The following OCRL variants were observed in gnomAD, a reference collection of about 807,000 sequenced individuals.
The protein encoded by OCRL is OCRL inositol polyphosphate-5-phosphatase, also known as inositol polyphosphate 5-phosphatase OCRL.
Under a neutral mutation model 78.9 loss-of-function variants are expected in OCRL, and 8 were observed. The ratio of observed to expected loss-of-function variants is 0.10; its 90% CI spans 0.06 to 0.18. OCRL has a LOEUF of 0.18. Among genes scored for constraint, OCRL ranks in the 10% least tolerant of loss-of-function variants. The pLI, the probability that OCRL is intolerant of heterozygous loss-of-function variation, is 1.00. For missense variants in OCRL, 454 were observed against 696.7 expected (o/e 0.65, Z 3.92); for synonymous variants, 240 against 235.4 (o/e 1.02, Z -0.18).
At chrX:129,570,164 G>A (rs1372765188) in intron 15 of OCRL, among the ~76,000 whole-genome samples, 1 of 111,625 alleles carries the variant, frequency 9.0e-6, no homozygotes, top group Non-Finnish European at 1.9e-5. Context: ...GATTTAATTT[G>A]TTACAGCCAG....
At chrX:129,561,562 T>C (rs1204411168) in intron 10 of OCRL, among the ~76,000 whole-genome samples, 2 of 112,254 alleles carry the variant, frequency 1.8e-5, no homozygotes, top group Non-Finnish European at 3.8e-5. Flanking sequence ...TTGAAATAAT[T>C]ACATATAAGA....
At chrX:129,580,058 A>T (rs2094657826) in intron 18 of OCRL, among the ~76,000 whole-genome samples, 1 of 112,398 alleles carries the variant, frequency 8.9e-6, no homozygotes, top group South Asian at 3.7e-4. Context: ...AAGCTTATTG[A>T]CTGACCAGCT....
intron 10 of OCRL, 59 bp from the exon 11 acceptor site, chrX:129,562,325 A>G: frequency 5.6e-6 from 5 of 885,085 alleles, no homozygotes; most frequent in Non-Finnish European, 8.4e-6. Context: ...GTGGGACATT[A>G]GAAATGTGGC....
intron 18 of OCRL, among the ~76,000 whole-genome samples, chrX:129,577,720 C>A (rs1441616493): frequency 8.9e-6 from 1 of 111,900 alleles, no homozygotes; most frequent in East Asian, 2.8e-4. Flanking sequence ...TGGAATTATA[C>A]TTATTTCCCC....
In OCRL at chrX:129,575,929, A is replaced by T. The variant is rs1250847108; in HGVS notation, c.1746A>T (p.Leu582=). 2 of 1,212,031 alleles carry T rather than the reference A, an allele frequency of 1.7e-6. No individual in the cohort carries two copies. The highest frequency in any genetic ancestry group is 2.2e-6 in the Non-Finnish European group (2 of 895,520). ...TTGAAAATGTGAAGTTTCGGCAACT[A>T]CAAAAGGAGAAGTTCCAGATCAGCA... ...FVFENVKFRQ[L]QKEKFQISNN... Residue 582 remains leucine (L), a synonymous_variant, in exon 17 of 24, where the codon CTA becomes CTT. Coordinates refer to ENST00000371113, the MANE Select transcript of OCRL (RefSeq NM_000276.4).
In OCRL at chrX:129,590,527, G is replaced by A. The variant is rs974086638; in HGVS notation, c.*257G>A. 8 of 351,842 alleles carry A rather than the reference G, an allele frequency of 2.3e-5. No homozygotes were observed. Among genetic ancestry groups the A allele is most frequent in the African/African-American group, 1.3e-4 (5 of 38,103 alleles). 29.0% of individuals were successfully genotyped at this position (351,842 alleles called of 1,213,427 possible). A position where few individuals can be genotyped will look rare whatever the true frequency, so the allele number is the denominator to read the frequency against. On this transcript the variant is annotated 3_prime_UTR_variant, in exon 24 of 24. Coordinates refer to ENST00000371113, the MANE Select transcript of OCRL (RefSeq NM_000276.4). ...TTCTCTTTATAAGGCAAAAAGATCT[G>A]TATTTACACTCCTTCACCTAGGGAT...
chrX:129,561,191 G>T lies in OCRL; in HGVS notation c.837G>T (p.Leu279=), dbSNP rs768793698. ...CTTTTTTCCTCAGATTCCAAGAACTGGACTTGAGCACAGAAGCCTTCTTCT... is the reference window on the plus strand; with the variant it reads ...CTTTTTTCCTCAGATTCCAAGAACTTGACTTGAGCACAGAAGCCTTCTTCT... ...PDIYCIGFQE[L]DLSTEAFFYF... is the part of the protein sequence containing the mutation. Residue 279 remains leucine, a synonymous_variant, in exon 10 of 24, where the codon CTG becomes CTT. Coordinates refer to ENST00000371113, the MANE Select transcript of OCRL (RefSeq NM_000276.4). The T allele has an allele frequency of 8.4e-7, 1 of 1,197,233 alleles. No homozygotes were observed. The highest frequency in any genetic ancestry group is 1.1e-6 in the Non-Finnish European group (1 of 882,374).
intron 18 of OCRL, among the ~76,000 whole-genome samples, chrX:129,580,488 A>T (rs1936425353): frequency 8.9e-6 from 1 of 112,188 alleles, no homozygotes; most frequent in Admixed American, 9.4e-5. Context: ...GGGTTTGCTG[A>T]TTAGTATGAG....
rs950080639 is a variant in OCRL, at chrX:129,545,161, A to G, written c.199+124A>G. Reference sequence around the variant, plus strand: ...AAATGAAATGTATTACTCTTTGCATAAAAAGATAACATTGAGGAGATGATA... The same window carrying G: ...AAATGAAATGTATTACTCTTTGCATGAAAAGATAACATTGAGGAGATGATA... On this transcript the variant is annotated intron_variant, in intron 3 of 23. Coordinates refer to ENST00000371113, the MANE Select transcript of OCRL (RefSeq NM_000276.4). 4 of 480,355 alleles carry G rather than the reference A, an allele frequency of 8.3e-6. No homozygotes were observed. In the African/African-American group the frequency reaches 9.6e-5, roughly 11 times the overall value. The allele number at this position is 480,355 out of a possible 1,213,427, so 39.6% of individuals were successfully genotyped here.
chrX:129,568,453 C>T lies in OCRL; in HGVS notation c.1467-811C>T, dbSNP rs769917146. 8.1e-5 allele frequency among the ~76,000 whole-genome samples: 9 copies of T among 111,749 alleles called. No homozygotes were observed. The South Asian group carries it at 3.4e-3, about 42-fold the overall frequency. ...GAGAGTACTGGCATGGGTGGGGAGT[C>T]GATATTCCTATGCTCCTAGGTAACT... On this transcript the variant is annotated intron_variant, in intron 14 of 23. Transcript: ENST00000371113.
intron 12 of OCRL, 52 bp from the exon 13 acceptor site, chrX:129,565,720 G>GT (rs902569448): frequency 8.5e-5 from 82 of 965,983 alleles, no homozygotes; most frequent in Non-Finnish European, 1.1e-4. Context: ...ATCCTTCTCT[G>GT]TTTTTTTTAT....
In OCRL at chrX:129,562,763, G is replaced by A. The variant is rs747651906; in HGVS notation, c.1221G>A (p.Pro407=). 5.8e-5 allele frequency: 70 copies of A among 1,209,300 alleles called. No homozygotes were observed. Among genetic ancestry groups the A allele is most frequent in the Middle Eastern group, 2.3e-4 (1 of 4,349 alleles). Residue 407 remains proline (P), a synonymous_variant, in exon 12 of 24, where the codon CCG becomes CCA. Coordinates refer to ENST00000371113, the MANE Select transcript of OCRL (RefSeq NM_000276.4). ...TTGTGGTCCCAAATCAGACCCTCCC[G>A]CAGTTGAACATCATGAAACATGAGT... The part of the protein sequence containing the change: ...MSFVVPNQTL[P]QLNIMKHEVV...
chrX:129,556,171 A>C (rs2124400062), intron 4 of OCRL, among the ~76,000 whole-genome samples: 1 of 112,696 alleles, frequency 8.9e-6, no homozygotes, highest in South Asian at 3.7e-4. Flanking sequence ...GATTTCCACC[A>C]TAAAAACTAG....
intron 18 of OCRL, among the ~76,000 whole-genome samples, chrX:129,576,922 G>A (rs766014847): frequency 8.9e-6 from 1 of 112,023 alleles, no homozygotes; most frequent in East Asian, 2.8e-4. Context: ...CCTCATTTGA[G>A]CATATGAGAA....
At chrX:129,582,164 T>C (rs764390940) in intron 18 of OCRL, among the ~76,000 whole-genome samples, 1 of 111,104 alleles carries the variant, frequency 9.0e-6, no homozygotes, top group Non-Finnish European at 1.9e-5. Context: ...TGCCTTTTGT[T>C]TATTTCTGCC....
intron 18 of OCRL, among the ~76,000 whole-genome samples, chrX:129,578,493 C>G (rs988488328): frequency 2.8e-5 from 3 of 108,382 alleles, no homozygotes; most frequent in Non-Finnish European, 5.7e-5. Context: ...TCTCCTTCCA[C>G]CTTCATGTAA....
intron 18 of OCRL, 49 bp downstream of exon 18, chrX:129,576,601 A>G (rs758982113): frequency 2.1e-6 from 2 of 950,941 alleles, no homozygotes; most frequent in Admixed American, 2.2e-5. Flanking sequence ...AATTTTCACA[A>G]TACTTAAGTG....
intron 4 of OCRL, among the ~76,000 whole-genome samples, chrX:129,552,997 G>A (rs763147383): frequency 8.9e-6 from 1 of 112,296 alleles, no homozygotes; most frequent in Non-Finnish European, 1.9e-5. Context: ...TGGACAGCAC[G>A]GTTTAGAGCA....
rs1936536925 is a variant in OCRL at position 129,588,079 on chromosome X, C to G, written c.2257-100C>G. ...TGTAATTATTAACACACATACCACC[C>G]TTCCCTTTTGCTTCCTGCTGCTCTT... On this transcript the variant is annotated intron_variant, in intron 20 of 23. Coordinates refer to ENST00000371113, the MANE Select transcript of OCRL (RefSeq NM_000276.4). The G allele has an allele frequency of 6.5e-6, 4 of 610,798 alleles. No homozygotes were observed. In the Admixed American group the frequency reaches 9.1e-5, roughly 14 times the overall value. 50.3% of individuals were successfully genotyped at this position (610,798 alleles called of 1,213,427 possible).
Sources: gnomAD v4.1 joint callset for allele counts (sites outside exome capture counted in the v4.1 genomes callset) on GRCh38, gnomAD v4.1.1 for gene constraint, MANE v1.5 for transcripts, NCBI Gene and HGNC (gene_info 2026-07-23, HGNC 2026-07-21) for gene names.